SAMD12: variants seen among roughly 807,000 people sequenced by gnomAD.
The protein encoded by SAMD12 is sterile alpha motif domain-containing protein 12.
SAMD12 carries 9 observed loss-of-function variants against 15.0 expected under a neutral mutation model. The observed-to-expected ratio is 0.60, with a 90% CI of 0.36 to 1.05. The LOEUF (loss-of-function observed/expected upper bound fraction) is 1.05, where lower values mean the gene tolerates loss of function less well. SAMD12 is among the 50% of genes least tolerant of loss of function. SAMD12 has a pLI of 0.01. For synonymous variants in SAMD12, 86 were observed against 90.1 expected, an observed-to-expected ratio of 0.96 and a Z score of 0.25; for missense variants, 230 against 234.2, an observed-to-expected ratio of 0.98 and a Z score of 0.12.
At chr8:118,247,279 A>G (rs973375466) in intron 4 of SAMD12, among the ~76,000 whole-genome samples, 1 of 152,144 alleles carries the variant, frequency 6.6e-6, no homozygotes, top group East Asian at 1.9e-4. Context: ...GGATAGGGAA[A>G]GGAGAGACAT....
At chr8:118,237,582 T>G (rs1340246519) in intron 4 of SAMD12, among the ~76,000 whole-genome samples, 1 of 151,936 alleles carries the variant, frequency 6.6e-6, no homozygotes, top group Non-Finnish European at 1.5e-5. Context: ...CCAGCTGAGG[T>G]TATATCACAA....
chr8:118,192,056 A>C (rs1206964063), exon 5 of SAMD12: 1 of 151,420 alleles, frequency 6.6e-6, no homozygotes, highest in Non-Finnish European at 1.5e-5. Context: ...GTGGAATAGG[A>C]CAGGACCAAC....
intron 3 of SAMD12, among the ~76,000 whole-genome samples, chr8:118,393,510 A>C (rs1034677316): frequency 1.3e-5 from 2 of 152,010 alleles, no homozygotes; most frequent in Non-Finnish European, 2.9e-5. Flanking sequence ...TTGGCCTCCC[A>C]AAGTGCTGGG....
intron 3 of SAMD12, among the ~76,000 whole-genome samples, chr8:118,388,771 A>G (rs1209834662): frequency 6.6e-6 from 1 of 152,240 alleles, no homozygotes; most frequent in Admixed American, 6.5e-5. Context: ...CCCAAGGGAC[A>G]ATATAATGCT....
At chr8:118,446,920 T>C (rs1259229818) in intron 2 of SAMD12, among the ~76,000 whole-genome samples, 1 of 152,190 alleles carries the variant, frequency 6.6e-6, no homozygotes, top group African/African-American at 2.4e-5. Flanking sequence ...CATATGCAAC[T>C]GATGACTTCA....
the SAMD12 span, among the ~76,000 whole-genome samples, chr8:118,136,022 T>C: frequency 2.0e-5 from 3 of 151,868 alleles, no homozygotes; most frequent in Non-Finnish European, 4.4e-5. Context: ...ATCTGGCTTC[T>C]TTGTTTTTCC....
chr8:118,196,452 A>G (rs1375350244), exon 5 of SAMD12: 1 of 152,148 alleles, frequency 6.6e-6, no homozygotes, highest in African/African-American at 2.4e-5. Context: ...GACAAGCAAT[A>G]ATTAAGTTGA....
chr8:118,449,939 C>A (rs934400856), intron 2 of SAMD12, among the ~76,000 whole-genome samples: 1 of 152,056 alleles, frequency 6.6e-6, no homozygotes, highest in Non-Finnish European at 1.5e-5. Context: ...TGCAATGACA[C>A]GGTATCACCT....
chr8:118,579,332 T>A (rs981179547), intron 2 of SAMD12, among the ~76,000 whole-genome samples: 3 of 152,178 alleles, frequency 2.0e-5, no homozygotes, highest in African/African-American at 4.8e-5. Flanking sequence ...GCCCATGTAT[T>A]GATCAGGTTT....
chr8:118,213,369 G>A (rs2451165), intron 4 of SAMD12, among the ~76,000 whole-genome samples: 77,045 of 151,966 alleles, frequency 0.51, 21,134 homozygotes, highest in Non-Finnish European at 0.62. Flanking sequence ...TCGCCATGCT[G>A]TGAATAAGCC....
Position 118,407,567 on chromosome 8 carries a change from T to C in SAMD12, c.323-27867A>G, listed in dbSNP as rs191951342. Among the ~76,000 whole-genome samples the C allele has an allele frequency of 4.3e-3, 661 of 152,300 alleles. 3 individuals carry two copies. The highest frequency in any genetic ancestry group is 6.8e-3 in the Middle Eastern group (2 of 294). ...TTGCATTCATTAAGCTAGGAAGAACTATGTATGGACAAATGCCTCAGCCTT... is the reference window on the plus strand; with the variant it reads ...TTGCATTCATTAAGCTAGGAAGAACCATGTATGGACAAATGCCTCAGCCTT... On this transcript the variant is annotated intron_variant, in intron 3 of 3. Coordinates refer to ENST00000314727, the MANE Select transcript of SAMD12 (RefSeq NM_207506.3).
intron 2 of SAMD12, among the ~76,000 whole-genome samples, chr8:118,492,314 T>A (rs1231007773): frequency 3.3e-5 from 5 of 152,156 alleles, no homozygotes; most frequent in Non-Finnish European, 5.9e-5. Flanking sequence ...TTGGGTTGTT[T>A]CTACTTTTAA....
intron 2 of SAMD12, among the ~76,000 whole-genome samples, chr8:118,579,584 T>C (rs1430927142): frequency 1.3e-5 from 2 of 152,140 alleles, no homozygotes; most frequent in Non-Finnish European, 2.9e-5. Context: ...TATTCCAAAC[T>C]GTACATAAAG....
chr8:118,563,953 A>C (rs1291207751), intron 2 of SAMD12, among the ~76,000 whole-genome samples: 1 of 152,234 alleles, frequency 6.6e-6, no homozygotes, highest in Non-Finnish European at 1.5e-5. Context: ...GACTCACAGA[A>C]GTGCACTAAT....
intron 4 of SAMD12, among the ~76,000 whole-genome samples, chr8:118,231,758 C>T (rs1201901016): frequency 6.6e-6 from 1 of 152,160 alleles, no homozygotes; most frequent in African/African-American, 2.4e-5. Flanking sequence ...CCTCCTTCTG[C>T]ATACCTGTTA....
exon 5 of SAMD12, chr8:118,197,304 A>C (rs1380920606): frequency 2.2e-5 from 5 of 227,658 alleles, no homozygotes; most frequent in Admixed American, 1.0e-4. Context: ...GAATTGCTGT[A>C]ATTTTTTTTT....
intron 4 of SAMD12, among the ~76,000 whole-genome samples, chr8:118,325,858 T>C (rs544850861): frequency 1.3e-4 from 20 of 152,174 alleles, no homozygotes; most frequent in Non-Finnish European, 2.8e-4. Flanking sequence ...TCTAGGGAGA[T>C]GAATGGATTA....
chr8:118,367,514 C>CGG (rs1818863334), intron 4 of SAMD12, among the ~76,000 whole-genome samples: 4 of 152,216 alleles, frequency 2.6e-5, no homozygotes, highest in Non-Finnish European at 5.9e-5. Context: ...AGTCAAGCCA[C>CGG]AAGGTCAAGG....
At chr8:118,595,074 T>C (rs2131287273) in intron 1 of SAMD12, among the ~76,000 whole-genome samples, 1 of 152,306 alleles carries the variant, frequency 6.6e-6, no homozygotes, top group Admixed American at 6.5e-5. Context: ...TAATGACTGC[T>C]GGTTCAAATC....
Sources: allele counts gnomAD v4.1 joint callset (sites outside exome capture counted in the v4.1 genomes callset), GRCh38; gene constraint gnomAD v4.1.1; transcripts MANE v1.5; gene names NCBI Gene and HGNC (gene_info 2026-07-23, HGNC 2026-07-21).